EIF3M: variants seen among roughly 807,000 people sequenced by gnomAD.
EIF3M encodes eukaryotic translation initiation factor 3 subunit M.
EIF3M carries 25 observed loss-of-function variants against 49.7 expected under a neutral mutation model. That is an observed-to-expected ratio of 0.50 (90% confidence interval 0.37 to 0.70). The LOEUF (loss-of-function observed/expected upper bound fraction) is 0.70. Ranked by LOEUF, EIF3M falls within the 30% of genes least tolerant of loss-of-function variation. The pLI is 0.00. For synonymous variants in EIF3M, 156 were observed against 149.8 expected (o/e 1.04, Z -0.30); for missense variants, 350 against 440.0 (o/e 0.80, Z 1.83).
intron 8 of EIF3M, 117 bp from the exon 9 acceptor site, chr11:32,600,572 C>T (rs1188882018): frequency 3.2e-6 from 4 of 1,243,534 alleles, no homozygotes; most frequent in Non-Finnish European, 4.2e-6. Flanking sequence ...AGTGCTCAAA[C>T]AATAATTTCC....
intron 1 of EIF3M, 181 bp downstream of exon 1, chr11:32,584,110 G>C (rs113643441): frequency 2.6e-6 from 2 of 766,042 alleles, no homozygotes; most frequent in Non-Finnish European, 4.1e-6. Context: ...CCAGCTCGCC[G>C]GCCGGCGGTC....
chr11:32,592,420 A>G, intron 5 of EIF3M: 1 of 546,944 alleles, frequency 1.8e-6, no homozygotes, highest in South Asian at 1.4e-5. Context: ...CTCTCAAATT[A>G]TGTTCTTCTG....
intron 1 of EIF3M, among the ~76,000 whole-genome samples, chr11:32,585,732 G>A (rs1213042079): frequency 1.3e-5 from 2 of 152,070 alleles, no homozygotes; most frequent in African/African-American, 4.8e-5. Flanking sequence ...CTTCTATGAA[G>A]TTACTGTGTT....
At chr11:32,585,133 G>A (rs1854975515) in intron 1 of EIF3M, among the ~76,000 whole-genome samples, 1 of 152,210 alleles carries the variant, frequency 6.6e-6, no homozygotes, top group South Asian at 2.1e-4. Flanking sequence ...CCGATGCTCT[G>A]AAGAGCAAAG....
At chr11:32,595,937 G>T in intron 7 of EIF3M, 29 bp from the exon 8 acceptor site, 1 of 1,429,596 alleles carries the variant, frequency 7.0e-7, no homozygotes, top group South Asian at 1.2e-5. Context: ...CTGTATTGAT[G>T]GTATCTTTTT....
chr11:32,588,407 A>G (rs969852737), intron 2 of EIF3M, among the ~76,000 whole-genome samples, 187 bp from the exon 3 acceptor site: 9 of 150,618 alleles, frequency 6.0e-5, no homozygotes, highest in South Asian at 2.1e-4. Context: ...AAAAAAAAAA[A>G]AAAAGAAACC....
Position 32,589,638 on chromosome 11 carries a change from A to G in EIF3M, c.530A>G (p.Lys177Arg), listed in dbSNP as rs765022907. ...TATGAGGCACTTGTGGATTGTAAGAAGAGGTATTCAAAAGTAATGAACTAA... is the reference window on the plus strand; with the variant it reads ...TATGAGGCACTTGTGGATTGTAAGAGGAGGTATTCAAAAGTAATGAACTAA... ...LLYEALVDCK[K>R]SDAASKVMVE... Residue 177 changes from lysine (K) to arginine (R), a missense_variant, in exon 5 of 11, where the codon AAG becomes AGG. Lys to Arg is a conservative substitution (Grantham distance 26, BLOSUM62 2). Coordinates refer to ENST00000531120, the MANE Select transcript of EIF3M (RefSeq NM_006360.6). The G allele has an allele frequency of 3.1e-6, 5 of 1,613,692 alleles. No homozygotes were observed. The highest frequency in any genetic ancestry group is 8.5e-7 in the Non-Finnish European group (1 of 1,179,768).
chr11:32,589,051 T>G lies in EIF3M; in HGVS notation c.354T>G (p.Pro118=). ...TCCACGGGATGGATAAGAATACTCC[T>G]GTAAGATACACAGTGTATTGCAGCC... The part of the protein sequence containing the change: ...NLFHGMDKNT[P]VRYTVYCSLI... Residue 118 remains proline (P), a synonymous_variant, in exon 4 of 11, where the codon CCT becomes CCG. Coordinates refer to ENST00000531120, the MANE Select transcript of EIF3M (RefSeq NM_006360.6). The G allele has an allele frequency of 1.2e-6, 2 of 1,614,236 alleles. No individual in the cohort carries two copies. Among genetic ancestry groups the G allele is most frequent in the Non-Finnish European group, 8.5e-7 (1 of 1,180,040 alleles).
intron 9 of EIF3M, chr11:32,601,518 AAAAAACAG>A (rs1319932381): frequency 3.3e-6 from 1 of 307,062 alleles, no homozygotes; most frequent in African/African-American, 2.2e-5. Flanking sequence ...AAAAAAAAAA[AAAAAACAG>A]CAAAAAACTG....
At chr11:32,586,566 T>G (rs143283771) in intron 1 of EIF3M, among the ~76,000 whole-genome samples, 1 of 152,250 alleles carries the variant, frequency 6.6e-6, no homozygotes, top group African/African-American at 2.4e-5. Context: ...GCCAAGGTAA[T>G]GTCTGTAACT....
chr11:32,586,845 C>A (rs577878774), intron 1 of EIF3M, 167 bp from the exon 2 acceptor site: 2 of 841,588 alleles, frequency 2.4e-6, no homozygotes, highest in African/African-American at 1.7e-5. Context: ...AAACCTGTGG[C>A]TCTTGTGGGA....
At chr11:32,584,869 A>G (rs746739845) in intron 1 of EIF3M, among the ~76,000 whole-genome samples, 4 of 152,186 alleles carry the variant, frequency 2.6e-5, no homozygotes, top group South Asian at 2.1e-4. Flanking sequence ...CCCCATAACA[A>G]AAGTTTAACC....
intron 1 of EIF3M, among the ~76,000 whole-genome samples, chr11:32,585,353 T>G (rs767975811): frequency 3.9e-5 from 6 of 152,224 alleles, no homozygotes; most frequent in Non-Finnish European, 7.3e-5. Context: ...TGATCGTATC[T>G]TAAAGTGTCT....
chr11:32,605,897 C>T lies in EIF3M; in HGVS notation c.*3498C>T, dbSNP rs1459853014. ...ATCACCTGTTTCTCTTTCAGCCTGA[C>T]TTACAAAATCTAATTTTTGGCCTAA... is the stretch of plus-strand genomic sequence containing the variant. On this transcript the variant is annotated 3_prime_UTR_variant, in exon 11 of 11. Transcript: ENST00000531120. 4 of 152,144 alleles carry T rather than the reference C, an allele frequency of 2.6e-5. No individual in the cohort carries two copies. The East Asian group carries it at 7.7e-4, about 29-fold the overall frequency. 9.4% of individuals were successfully genotyped at this position (152,144 alleles called of 1,614,324 possible). A position where few individuals can be genotyped will look rare whatever the true frequency, so the allele number is the denominator to read the frequency against.
chr11:32,594,133 G>T, intron 6 of EIF3M, 184 bp downstream of exon 6: 1 of 391,974 alleles, frequency 2.6e-6, no homozygotes, highest in East Asian at 3.8e-5. Flanking sequence ...AAGAACTGTG[G>T]ATTGAATATG....
At chr11:32,591,647 C>T (rs1302151460) in intron 5 of EIF3M, 1 of 154,436 alleles carries the variant, frequency 6.5e-6, no homozygotes, top group Admixed American at 6.5e-5. Flanking sequence ...ACTTTTCTGA[C>T]TGTGGATCAT....
chr11:32,602,428 G>GA lies in EIF3M; in HGVS notation c.*37dup, dbSNP rs754534624. ...TTTATGCTTATAATTTTTGTTCTTT[G>GA]AAAAAAAAGCCCTAAATCATAGTAA... On this transcript the variant is annotated 3_prime_UTR_variant, in exon 11 of 11. Transcript: ENST00000531120. The GA allele has an allele frequency of 2.0e-5, 32 of 1,585,350 alleles. No homozygotes were observed. Among genetic ancestry groups the GA allele is most frequent in the South Asian group, 5.8e-5 (5 of 85,830 alleles).
At chr11:32,599,691 C>T (rs564204507) in intron 8 of EIF3M, among the ~76,000 whole-genome samples, 3 of 151,998 alleles carry the variant, frequency 2.0e-5, no homozygotes, top group African/African-American at 7.2e-5. Context: ...AAGTTAGCAT[C>T]AAAACAAGTA....
chr11:32,586,975 T>C, intron 1 of EIF3M, 37 bp from the exon 2 acceptor site: 1 of 1,539,118 alleles, frequency 6.5e-7, no homozygotes, highest in Non-Finnish European at 8.8e-7. Flanking sequence ...TGCTTTGTCA[T>C]TCGTAGTCAG....
Sources: gnomAD v4.1 joint callset for allele counts (sites outside exome capture counted in the v4.1 genomes callset) on GRCh38, gnomAD v4.1.1 for gene constraint, MANE v1.5 for transcripts, NCBI Gene and HGNC (gene_info 2026-07-23, HGNC 2026-07-21) for gene names.